Variants in TANGO6 observed in about 807,000 individuals in gnomAD.
TANGO6 encodes the protein transport and Golgi organization protein 6 homolog.
TANGO6 carries 90 observed loss-of-function variants against 114.2 expected under a neutral mutation model. That is an observed-to-expected ratio of 0.79 (90% CI 0.66 to 0.94). The LOEUF (loss-of-function observed/expected upper bound fraction) is 0.94. Ranked by LOEUF, TANGO6 falls within the 40% of genes least tolerant of loss-of-function variation. TANGO6 has a pLI of 0.00. For synonymous variants in TANGO6, 477 were observed against 509.8 expected (o/e 0.94, Z 0.87); for missense variants, 1,274 against 1,315.3 (o/e 0.97, Z 0.49).
At chr16:68,886,554 G>A (rs766060349) in intron 7 of TANGO6, among the ~76,000 whole-genome samples, 17 of 152,104 alleles carry the variant, frequency 1.1e-4, no homozygotes, top group Non-Finnish European at 2.2e-4. Flanking sequence ...TGTTGCCCAG[G>A]CTGGAGTGCA....
intron 9 of TANGO6, 40 bp downstream of exon 9, chr16:68,902,544 T>C: frequency 6.6e-7 from 1 of 1,521,492 alleles, no homozygotes. Context: ...TCAGATTTAG[T>C]TCCGCCCAAA....
intron 1 of TANGO6, among the ~76,000 whole-genome samples, chr16:68,844,043 G>A (rs1182471485): frequency 6.6e-6 from 1 of 152,166 alleles, no homozygotes; most frequent in Non-Finnish European, 1.5e-5. Context: ...CAGCTCCAGA[G>A]AGGGTAGGGC....
chr16:68,993,581 A>C (rs1963964347), intron 15 of TANGO6, among the ~76,000 whole-genome samples: 1 of 152,198 alleles, frequency 6.6e-6, no homozygotes, highest in African/African-American at 2.4e-5. Context: ...ATAGCACTTG[A>C]GGGATGGATG....
chr16:68,864,039 T>C (rs1454392318), intron 3 of TANGO6, among the ~76,000 whole-genome samples: 2 of 151,994 alleles, frequency 1.3e-5, no homozygotes, highest in African/African-American at 4.8e-5. Flanking sequence ...CCGGGCATGG[T>C]GACGCATGCC....
At chr16:69,054,705 G>A (rs1277414722) in intron 17 of TANGO6, among the ~76,000 whole-genome samples, 1 of 151,898 alleles carries the variant, frequency 6.6e-6, no homozygotes, top group Non-Finnish European at 1.5e-5. Context: ...AGGCCAAGGT[G>A]GGCGGATCAC....
chr16:68,881,647 A>G (rs1210754682), intron 7 of TANGO6, among the ~76,000 whole-genome samples: 1 of 152,224 alleles, frequency 6.6e-6, no homozygotes, highest in African/African-American at 2.4e-5. Context: ...GTCTGAATAA[A>G]TGATTCCTGC....
intron 4 of TANGO6, among the ~76,000 whole-genome samples, chr16:68,873,782 A>G (rs2152166475): frequency 6.6e-6 from 1 of 151,956 alleles, no homozygotes; most frequent in African/African-American, 2.4e-5. Context: ...CCTTAGTTGG[A>G]CTTTGTTCTG....
chr16:69,020,898 GTA>G (rs1959389531), intron 15 of TANGO6, among the ~76,000 whole-genome samples: 1 of 90,652 alleles, frequency 1.1e-5, no homozygotes, highest in African/African-American at 3.9e-5. Flanking sequence ...CTTTATATAT[GTA>G]TGTATGTGTG....
chr16:68,892,854 C>T (rs1356232858), intron 7 of TANGO6, among the ~76,000 whole-genome samples: 2 of 152,078 alleles, frequency 1.3e-5, no homozygotes, highest in Admixed American at 6.6e-5. Context: ...TCACTTAACC[C>T]CAGAGAGGCT....
intron 16 of TANGO6, among the ~76,000 whole-genome samples, chr16:69,025,664 C>G (rs1959489235): frequency 2.0e-5 from 3 of 152,122 alleles, no homozygotes; most frequent in Admixed American, 1.3e-4. Flanking sequence ...AAACTGCCTT[C>G]AGCTTGGAGG....
intron 12 of TANGO6, among the ~76,000 whole-genome samples, chr16:68,923,037 C>T (rs941145062): frequency 1.1e-4 from 17 of 150,282 alleles, no homozygotes; most frequent in African/African-American, 3.2e-4. Context: ...AACCTCCGCC[C>T]GCTGGGTTCA....
At chr16:68,952,301 CTT>C (rs762958758) in intron 14 of TANGO6, among the ~76,000 whole-genome samples, 14 of 152,172 alleles carry the variant, frequency 9.2e-5, no homozygotes, top group Non-Finnish European at 1.8e-4. Context: ...CAGACTTCCC[CTT>C]AAATACAGCA....
intron 7 of TANGO6, among the ~76,000 whole-genome samples, chr16:68,882,363 G>A (rs1429742749): frequency 6.6e-6 from 1 of 152,008 alleles, no homozygotes; most frequent in Non-Finnish European, 1.5e-5. Context: ...CGGGCGTGGT[G>A]GCAGGCACCT....
chr16:68,978,765 G>A (rs1191463754), intron 15 of TANGO6, among the ~76,000 whole-genome samples: 1 of 151,826 alleles, frequency 6.6e-6, no homozygotes, highest in African/African-American at 2.4e-5. Context: ...GCAGGGTGCA[G>A]TACACTATGT....
At chr16:68,955,536 A>G (rs2152207116) in intron 14 of TANGO6, among the ~76,000 whole-genome samples, 1 of 152,322 alleles carries the variant, frequency 6.6e-6, no homozygotes, top group South Asian at 2.1e-4. Context: ...TGCAGCACTT[A>G]TTAAGATGCT....
chr16:68,849,935 T>C (rs114046957), intron 1 of TANGO6, among the ~76,000 whole-genome samples: 3,232 of 151,752 alleles, frequency 0.021, 122 homozygotes, highest in African/African-American at 0.075. Context: ...AATTTTACTG[T>C]AATTGCTTGA....
At chr16:68,896,188 G>T (rs947368504) in intron 7 of TANGO6, among the ~76,000 whole-genome samples, 1 of 152,076 alleles carries the variant, frequency 6.6e-6, no homozygotes, top group East Asian at 1.9e-4. Context: ...TGCATTTTTA[G>T]TAGAGACAGG....
At chr16:69,069,221 TC>T (rs892808077) in intron 17 of TANGO6, among the ~76,000 whole-genome samples, 1 of 152,170 alleles carries the variant, frequency 6.6e-6, no homozygotes, top group Non-Finnish European at 1.5e-5. Context: ...TGTGTCTGCC[TC>T]CCCAACAGGG....
intron 7 of TANGO6, 114 bp from the exon 8 acceptor site, chr16:68,900,320 A>T: frequency 1.3e-6 from 1 of 783,744 alleles, no homozygotes; most frequent in Non-Finnish European, 2.2e-6. Context: ...AAATGGTGTG[A>T]TTCGGATGAG....
Sources: allele counts gnomAD v4.1 joint callset (sites outside exome capture counted in the v4.1 genomes callset), GRCh38; gene constraint gnomAD v4.1.1; transcripts MANE v1.5; gene names NCBI Gene and HGNC (gene_info 2026-07-23, HGNC 2026-07-21).